The following CBX7 variants were observed in gnomAD, a reference collection of about 807,000 sequenced individuals.
CBX7 encodes the protein chromobox protein homolog 7.
A neutral mutation model predicts 31.4 loss-of-function variants in CBX7; 14 were observed. That is an observed-to-expected ratio of 0.45 (90% CI 0.29 to 0.70). CBX7 has a LOEUF of 0.70. Ranked by LOEUF, CBX7 falls within the 30% of genes least tolerant of loss-of-function variation. The pLI is 0.11. For synonymous variants in CBX7, 159 were observed against 152.6 expected (o/e 1.04, Z -0.31); for missense variants, 269 against 351.9 (o/e 0.76, Z 1.89).
In CBX7 at chr22:39,133,584, C is replaced by A; in HGVS notation, c.*307G>T. The A allele has an allele frequency of 4.3e-6, 1 of 233,470 alleles. No homozygotes were observed. 14.5% of individuals were successfully genotyped at this position (233,470 alleles called of 1,614,324 possible). On this transcript the variant is annotated 3_prime_UTR_variant, in exon 6 of 6. Transcript: ENST00000216133. ...TCCAATGCTCCTTTAACTCCCAGAACCAGCTGCTGCGTCACTAGAGGAGAA... is the reference window on the plus strand; with the variant it reads ...TCCAATGCTCCTTTAACTCCCAGAAACAGCTGCTGCGTCACTAGAGGAGAA...
intron 4 of CBX7, among the ~76,000 whole-genome samples, chr22:39,138,182 C>CAAA (rs1185254645): frequency 5.1e-5 from 3 of 59,052 alleles, no homozygotes; most frequent in Admixed American, 1.8e-4. Context: ...GACTCCGTCT[C>CAAA]AAAAAAAAAA....
At chr22:39,146,345 C>A (rs1930661044) in intron 2 of CBX7, among the ~76,000 whole-genome samples, 1 of 152,252 alleles carries the variant, frequency 6.6e-6, no homozygotes, top group South Asian at 2.1e-4. Flanking sequence ...GAGACAGCTC[C>A]CACTCTGCCC....
chr22:39,134,598 G>A lies in CBX7; in HGVS notation c.401C>T (p.Thr134Ile). 1.3e-6 allele frequency: 2 copies of A among 1,592,216 alleles called. No homozygotes were observed. Among genetic ancestry groups the A allele is most frequent in the Non-Finnish European group, 1.7e-6 (2 of 1,169,632 alleles). ...GGGCTTGCGGAGCGGGAAGGGCAGG[G>A]TGGGCACCAAGGGGCCCTTGTCCAC... ...ELVDKGPLVP[T>I]LPFPLRKPRK... The change falls in exon 5 of 6, where the codon ACC becomes ATC. Residue 134 changes from threonine to isoleucine, a missense_variant. Transcript: ENST00000216133.
intron 2 of CBX7, 39 bp downstream of exon 2, chr22:39,149,750 T>C (rs773354807): frequency 3.1e-6 from 5 of 1,600,998 alleles, no homozygotes; most frequent in Non-Finnish European, 3.4e-6. Flanking sequence ...CATGGGTCGG[T>C]AGGCAGACAG....
At chr22:39,145,216 G>A (rs755073579) in intron 2 of CBX7, among the ~76,000 whole-genome samples, 18 of 152,198 alleles carry the variant, frequency 1.2e-4, no homozygotes, top group Non-Finnish European at 2.4e-4. Context: ...AGCCCCAAGT[G>A]GGGGGCAGGG....
At position 39,137,228 on chromosome 22, in the gene CBX7, C is replaced by A. The variant is rs186436341; in HGVS notation, c.246+1408G>T. Among the ~76,000 whole-genome samples, 3 of 152,198 alleles carry A rather than the reference C, an allele frequency of 2.0e-5. No individual in the cohort carries two copies. In the East Asian group the frequency reaches 5.8e-4, roughly 29 times the overall value. The stretch of plus-strand genomic sequence containing the variant: ...TGCATTATATATACTAGCTGAGCAT[C>A]CCCAATCCAAAAATCTGAAATTTAG... On this transcript the variant is annotated intron_variant, in intron 4 of 5. Coordinates refer to ENST00000216133, the MANE Select transcript of CBX7 (RefSeq NM_175709.5).
In CBX7 at chr22:39,132,318, G is replaced by A. The variant is rs765757865; in HGVS notation, c.*1573C>T. 1 of 152,210 alleles carries A rather than the reference G, an allele frequency of 6.6e-6. No homozygotes were observed. The highest frequency in any genetic ancestry group is 1.5e-5 in the Non-Finnish European group (1 of 68,064). The allele number at this position is 152,210 out of a possible 1,614,324, so 9.4% of individuals were successfully genotyped here. On this transcript the variant is annotated 3_prime_UTR_variant, in exon 6 of 6. Transcript: ENST00000216133. Reference sequence around the variant, plus strand: ...GACACAGAGCAGAGCTGCGAGGAGGGCGGGCAGGTCTCAAACTTGCTGGCC... The same window carrying A: ...GACACAGAGCAGAGCTGCGAGGAGGACGGGCAGGTCTCAAACTTGCTGGCC...
At chr22:39,151,152 G>A (rs1930836763) in intron 1 of CBX7, among the ~76,000 whole-genome samples, 1 of 152,220 alleles carries the variant, frequency 6.6e-6, no homozygotes, top group Admixed American at 6.5e-5. Context: ...AGTTAGTGCT[G>A]TGCCTGCTTC....
intron 2 of CBX7, among the ~76,000 whole-genome samples, chr22:39,146,943 T>TCCCGGGC (rs1930681412): frequency 6.6e-6 from 1 of 152,036 alleles, no homozygotes; most frequent in Admixed American, 6.6e-5. Flanking sequence ...ACATTCCCTG[T>TCCCGGGC]CCCGGGCCCC....
Position 39,152,302 on chromosome 22 carries a change from A to T in CBX7, c.69+74T>A. 1 of 1,013,592 alleles carries T rather than the reference A, an allele frequency of 9.9e-7. No homozygotes were observed. The highest frequency in any genetic ancestry group is 4.3e-5 in the Admixed American group (1 of 23,420). The allele number at this position is 1,013,592 out of a possible 1,614,324, so 62.8% of individuals were successfully genotyped here. Reference sequence around the variant, plus strand: ...GCGCCCCGCTTTCCCCTTCAGCCCCAGCGTGGAGGGAGCGGTGCTGGGGAC... The same window carrying T: ...GCGCCCCGCTTTCCCCTTCAGCCCCTGCGTGGAGGGAGCGGTGCTGGGGAC... On this transcript the variant is annotated intron_variant, in intron 1 of 5. Transcript: ENST00000216133. This position sits in a 1 kb window ranked among gnomAD's most constrained non-coding sequence, Gnocchi z 4.9.
intron 4 of CBX7, among the ~76,000 whole-genome samples, chr22:39,138,128 C>T (rs1338471297): frequency 2.0e-5 from 3 of 150,974 alleles, no homozygotes; most frequent in African/African-American, 7.3e-5. Flanking sequence ...TTGCAGTGAG[C>T]CAAGATCGCG....
At chr22:39,136,784 T>C (rs1194173625) in intron 4 of CBX7, 2 of 152,250 alleles carry the variant, frequency 1.3e-5, no homozygotes, top group Admixed American at 1.3e-4. Flanking sequence ...GTAGGCTTAG[T>C]ATGTGGATGG....
chr22:39,136,256 T>C (rs2146353273), intron 4 of CBX7: 1 of 152,234 alleles, frequency 6.6e-6, no homozygotes, highest in South Asian at 2.1e-4. Flanking sequence ...TGGGCCTCAG[T>C]TTCTTTCTCA....
At chr22:39,149,724 G>A in intron 2 of CBX7, 65 bp downstream of exon 2, 1 of 1,438,076 alleles carries the variant, frequency 7.0e-7, no homozygotes, top group Non-Finnish European at 9.8e-7. Flanking sequence ...GGGGGCAAAA[G>A]GCAGGTGGAG....
At chr22:39,141,230 C>T (rs1001576091) in intron 3 of CBX7, 141 bp downstream of exon 3, 14 of 630,274 alleles carry the variant, frequency 2.2e-5, no homozygotes, top group Non-Finnish European at 3.8e-5. Context: ...CCACCATTTT[C>T]ACCCAGCTGC....
At chr22:39,145,078 TCA>T (rs542375043) in intron 2 of CBX7, among the ~76,000 whole-genome samples, 2 of 152,030 alleles carry the variant, frequency 1.3e-5, no homozygotes, top group Non-Finnish European at 2.9e-5. Context: ...TCTCCAGTCC[TCA>T]GTGTCCGACC....
In CBX7 at chr22:39,141,378, C is replaced by G. The variant is rs775514159; in HGVS notation, c.172G>C (p.Glu58Gln). Residue 58 changes from glutamate to glutamine, a missense_variant, in exon 3 of 6, where the codon GAG becomes CAG. By Grantham distance (29) the Glu-to-Gln change is conservative. This residue lies in a region of CBX7 where 47 missense variants were observed against 111.5 expected (regional missense o/e 0.42). Coordinates refer to ENST00000216133, the MANE Select transcript of CBX7 (RefSeq NM_175709.5). ...GTGCCGAGGACACCGTACTTCTCCT[C>G]GTAGGCCATGACGAGGCGGGGGTCC... Reference protein sequence around the residue: ...ILDPRLVMAYEEKEERDRASG... With the variant: ...ILDPRLVMAYQEKEERDRASG... 1 of 1,611,918 alleles carries G rather than the reference C, an allele frequency of 6.2e-7. No individual in the cohort carries two copies. Among genetic ancestry groups the G allele is most frequent in the Middle Eastern group, 1.7e-4 (1 of 6,058 alleles).
chr22:39,147,517 T>C (rs1019927981), intron 2 of CBX7: 2 of 151,580 alleles, frequency 1.3e-5, no homozygotes, highest in Non-Finnish European at 2.9e-5. Flanking sequence ...GGACACAGCC[T>C]GCCTAACTCC....
chr22:39,143,682 A>G (rs1569110097), intron 2 of CBX7, among the ~76,000 whole-genome samples: 1 of 152,210 alleles, frequency 6.6e-6, no homozygotes, highest in Non-Finnish European at 1.5e-5. Flanking sequence ...TGTGCCTGGG[A>G]AGTGCTCTAG....
Sources: gnomAD v4.1 joint callset for allele counts (sites outside exome capture counted in the v4.1 genomes callset) on GRCh38, gnomAD v4.1.1 for gene constraint, gnomAD v4.1.1 regional missense constraint, Gnocchi (gnomAD v3.1) non-coding constraint, MANE v1.5 for transcripts, NCBI Gene and HGNC (gene_info 2026-07-23, HGNC 2026-07-21) for gene names.